The following CACNA1E variants were observed in gnomAD, a reference collection of about 807,000 sequenced individuals.
CACNA1E encodes the protein calcium voltage-gated channel subunit alpha1 E, also known as voltage-dependent R-type calcium channel subunit alpha-1E.
Under a neutral mutation model 259.2 loss-of-function variants are expected in CACNA1E, and 40 were observed. The ratio of observed to expected loss-of-function variants is 0.15; its 90% CI spans 0.12 to 0.20. The LOEUF is 0.20. Ranked by LOEUF, CACNA1E falls within the 10% of genes least tolerant of loss-of-function variation. The probability of loss-of-function intolerance (pLI) is 1.00; values close to 1 mark genes in which losing one functional copy is unlikely to be tolerated. For synonymous variants in CACNA1E, 1,104 were observed against 1,138.5 expected (o/e 0.97, Z 0.61); for missense variants, 1,874 against 3,040.1 (o/e 0.62, Z 9.02).
chr1:181,585,120 T>C (rs1039923141), intron 6 of CACNA1E, among the ~76,000 whole-genome samples: 1 of 152,208 alleles, frequency 6.6e-6, no homozygotes, highest in African/African-American at 2.4e-5. Context: ...TACTAGTATC[T>C]GTTCATCTGT....
intron 6 of CACNA1E, among the ~76,000 whole-genome samples, chr1:181,631,498 C>T (rs185408147): frequency 3.2e-4 from 48 of 152,260 alleles, no homozygotes; most frequent in Non-Finnish European, 2.4e-4. Context: ...CAGCATCGTG[C>T]TCTGAGCATA....
intron 25 of CACNA1E, chr1:181,745,382 A>G (rs753439834): frequency 2.0e-6 from 1 of 496,664 alleles, no homozygotes; most frequent in South Asian, 1.5e-5. Flanking sequence ...TTGGTTGTAA[A>G]TGGGATCTCA....
At chr1:181,386,300 G>A (rs769684145) in intron 1 of CACNA1E, among the ~76,000 whole-genome samples, 1 of 152,102 alleles carries the variant, frequency 6.6e-6, no homozygotes, top group Non-Finnish European at 1.5e-5. Flanking sequence ...AGTTAGCCTG[G>A]CAACAAAAGG....
Position 181,457,888 on chromosome 1 carries a change from C to T in CACNA1E, c.435-25856C>T, listed in dbSNP as rs575252452. Among the ~76,000 whole-genome samples, 3 of 152,300 alleles carry T rather than the reference C, an allele frequency of 2.0e-5. No homozygotes were observed. In the East Asian group the frequency reaches 5.8e-4, roughly 29 times the overall value. On this transcript the variant is annotated intron_variant, in intron 2 of 11. Transcript: ENST00000524607. ...CACTATGGGACAGGATCGTCCCTCT[C>T]CAGGATGCTGGGGGAAGGGACAGGT...
At chr1:181,469,838 G>T (rs1303449334) in intron 2 of CACNA1E, among the ~76,000 whole-genome samples, 1 of 152,168 alleles carries the variant, frequency 6.6e-6, no homozygotes, top group Admixed American at 6.5e-5. Context: ...AAGAATGTGT[G>T]CACACCCTAA....
chr1:181,326,353 A>C (rs1200173700), intron 1 of CACNA1E, among the ~76,000 whole-genome samples: 1 of 152,142 alleles, frequency 6.6e-6, no homozygotes, highest in Non-Finnish European at 1.5e-5. Flanking sequence ...TCTGTTACTA[A>C]TCAGTAACAT....
At chr1:181,388,263 T>C (rs1177061764) in intron 1 of CACNA1E, among the ~76,000 whole-genome samples, 1 of 152,172 alleles carries the variant, frequency 6.6e-6, no homozygotes, top group Admixed American at 6.5e-5. Context: ...TGCGGTAACG[T>C]TCTAGAAGGT....
intron 22 of CACNA1E, 120 bp downstream of exon 22, chr1:181,736,554 T>A: frequency 3.3e-6 from 3 of 921,028 alleles, no homozygotes; most frequent in Non-Finnish European, 4.9e-6. Context: ...GCCTTCCTGG[T>A]GGAGCATGGC....
intron 28 of CACNA1E, among the ~76,000 whole-genome samples, 179 bp downstream of exon 28, chr1:181,755,576 G>A (rs1050599100): frequency 2.6e-5 from 4 of 152,080 alleles, no homozygotes; most frequent in Admixed American, 2.0e-4. Context: ...TGTCAGACAC[G>A]AAAACTTGAG....
chr1:181,532,682 C>T (rs1667873918), intron 3 of CACNA1E, among the ~76,000 whole-genome samples: 1 of 152,244 alleles, frequency 6.6e-6, no homozygotes, highest in Non-Finnish European at 1.5e-5. Flanking sequence ...ACTTCACTCT[C>T]CCCAAGCTGA....
chr1:181,585,621 G>T (rs1412632916), intron 6 of CACNA1E, among the ~76,000 whole-genome samples: 1 of 152,210 alleles, frequency 6.6e-6, no homozygotes, highest in Non-Finnish European at 1.5e-5. Context: ...AAATGGAGAT[G>T]TCAGGAGGAC....
At chr1:181,661,365 CGGAA>C (rs1647658872) in intron 7 of CACNA1E, among the ~76,000 whole-genome samples, 1 of 151,966 alleles carries the variant, frequency 6.6e-6, no homozygotes, top group Non-Finnish European at 1.5e-5. Flanking sequence ...GCGGTGGGGA[CGGAA>C]AGGACAGGAC....
In CACNA1E at chr1:181,370,182, A is replaced by G. The variant is rs528757658; in HGVS notation, c.-14-42951A>G. Among the ~76,000 whole-genome samples, 325 of 152,156 alleles carry G rather than the reference A, an allele frequency of 2.1e-3. 1 individual carries two copies. The highest frequency in any genetic ancestry group is 7.6e-3 in the African/African-American group (314 of 41,490). Reference sequence around the variant, plus strand: ...TGAAAAGCTGCATTCCAACTTGGACACTGTGTTAGTGTTGCCTTCCTCTTT... The same window carrying G: ...TGAAAAGCTGCATTCCAACTTGGACGCTGTGTTAGTGTTGCCTTCCTCTTT... On this transcript the variant is annotated intron_variant, in intron 1 of 11. Coordinates refer to the CACNA1E transcript ENST00000524607.
rs369880803 is a variant in CACNA1E, at chr1:181,736,343, G to T, written c.3331G>T (p.Val1111Leu). Residue 1111 changes from valine to leucine, a missense_variant, in exon 22 of 48, where the codon GTG (valine) becomes TTG (leucine). Physicochemically the swap from Val to Leu is conservative, Grantham distance 32. This residue lies in a region of CACNA1E where 476 missense variants were observed against 514.0 expected (regional missense o/e 0.93). Transcript: ENST00000367573. ...EAEIREDEEE[V>L]EKKKQKKEKR... The stretch of plus-strand genomic sequence containing the variant: ...AGAGATCAGAGAGGATGAGGAGGAG[G>T]TGGAGAAGAAGAAGCAGAAGAAGGA... 6.2e-7 allele frequency: 1 copy of T among 1,609,054 alleles called. No individual in the cohort carries two copies. The highest frequency in any genetic ancestry group is 8.5e-7 in the Non-Finnish European group (1 of 1,177,498).
rs149489537 is a variant in CACNA1E at position 181,793,830 on chromosome 1, C to T, written c.6027+37C>T. 253 of 1,601,258 alleles carry T rather than the reference C, an allele frequency of 1.6e-4. 2 individuals carry two copies. The East Asian group carries it at 4.9e-3, about 31-fold the overall frequency. ...CCACCTACATTAATGCAGTGGCATC[C>T]GGGCTGTATTAGCTGGGTTATGGAA... is the stretch of plus-strand genomic sequence containing the variant. On this transcript the variant is annotated intron_variant, in intron 45 of 47. Transcript: ENST00000367573.
chr1:181,717,001 G>A lies in CACNA1E; in HGVS notation c.1316-92G>A, dbSNP rs1653957588. ...CAATGTGGCAGTCACCTTGCCCTGG[G>A]ACTAGAGCAGCCCATCTTGCCCTTC... On this transcript the variant is annotated intron_variant, in intron 10 of 47. Coordinates refer to ENST00000367573, the MANE Select transcript of CACNA1E (RefSeq NM_001205293.3). 20 of 1,015,390 alleles carry A rather than the reference G, an allele frequency of 2.0e-5. No individual in the cohort carries two copies. The South Asian group carries it at 2.3e-4, about 12-fold the overall frequency. 62.9% of individuals were successfully genotyped at this position (1,015,390 alleles called of 1,614,324 possible). A position where few individuals can be genotyped will look rare whatever the true frequency, so the allele number is the denominator to read the frequency against.
intron 34 of CACNA1E, among the ~76,000 whole-genome samples, chr1:181,763,920 T>C (rs1355730478): frequency 2.0e-5 from 3 of 152,184 alleles, no homozygotes; most frequent in African/African-American, 7.2e-5. Flanking sequence ...TCAGGGACTT[T>C]GGGTGTTTGT....
chr1:181,564,142 GAAC>G (rs1364085968), intron 3 of CACNA1E, among the ~76,000 whole-genome samples: 1 of 152,108 alleles, frequency 6.6e-6, no homozygotes, highest in African/African-American at 2.4e-5. Flanking sequence ...AATAAGACAA[GAAC>G]AAACTTTGCT....
chr1:181,757,040 G>C lies in CACNA1E; in HGVS notation c.4243G>C (p.Val1415Leu). The C allele has an allele frequency of 6.2e-7, 1 of 1,613,836 alleles. No homozygotes were observed. Among genetic ancestry groups the C allele is most frequent in the South Asian group, 1.1e-5 (1 of 91,078 alleles). ...VYFVVFPFFF[V>L]NIFVALIIIT... ...CTTTGTGGTCTTCCCCTTCTTCTTTGTCAATATCTTTGTGGCTCTCATCAT... is the reference window on the plus strand; with the variant it reads ...CTTTGTGGTCTTCCCCTTCTTCTTTCTCAATATCTTTGTGGCTCTCATCAT... The change falls in exon 30 of 48, where the codon GTC (valine) becomes CTC (leucine). Residue 1415 changes from valine to leucine, a missense_variant. By Grantham distance (32) the Val-to-Leu change is conservative. This residue lies in a region of CACNA1E where 188 missense variants were observed against 540.6 expected (regional missense o/e 0.35). Coordinates refer to ENST00000367573, the MANE Select transcript of CACNA1E (RefSeq NM_001205293.3).
Sources: allele counts gnomAD v4.1 joint callset (sites outside exome capture counted in the v4.1 genomes callset), GRCh38; gene constraint gnomAD v4.1.1; regional missense constraint gnomAD v4.1.1; transcripts MANE v1.5; gene names NCBI Gene and HGNC (gene_info 2026-07-23, HGNC 2026-07-21).